Variants in ZNF496 observed in about 807,000 individuals in gnomAD.
ZNF496 encodes the protein NSD1 (nuclear receptor binding SET-domain containing 1)-interacting zinc finger protein 1.
ZNF496 carries 11 observed loss-of-function variants against 58.9 expected under a neutral mutation model. The ratio of observed to expected loss-of-function variants is 0.19; its 90% confidence interval spans 0.12 to 0.31. The LOEUF (loss-of-function observed/expected upper bound fraction) is 0.31. Ranked by LOEUF, ZNF496 falls within the 10% of genes least tolerant of loss-of-function variation. The pLI is 1.00. For synonymous variants in ZNF496, 338 were observed against 318.2 expected (o/e 1.06, Z -0.66); for missense variants, 660 against 783.0 (o/e 0.84, Z 1.88).
intron 9 of ZNF496, among the ~76,000 whole-genome samples, chr1:247,302,458 A>T (rs1293090629): frequency 7.6e-6 from 1 of 131,766 alleles, no homozygotes; most frequent in Non-Finnish European, 1.7e-5. Flanking sequence ...TCATCAGATG[A>T]AGACAGAGAT....
At chr1:247,326,682 C>T (rs1294444314) in intron 5 of ZNF496, among the ~76,000 whole-genome samples, 1 of 152,142 alleles carries the variant, frequency 6.6e-6, no homozygotes, top group East Asian at 1.9e-4. Flanking sequence ...TATGTTGAAG[C>T]CCTAACCCTT....
At position 247,310,254 on chromosome 1, in the gene ZNF496, T is replaced by C. The variant is rs1659558858; in HGVS notation, c.784+70A>G. On this transcript the variant is annotated intron_variant, in intron 7 of 9. Coordinates refer to ENST00000682384, the MANE Select transcript of ZNF496 (RefSeq NM_032752.3). Reference sequence around the variant, plus strand: ...CCTGATCCTATGGGACGAAGTTGACTCTTACTCCAAGTGAGAACTCCCCTG... The same window carrying C: ...CCTGATCCTATGGGACGAAGTTGACCCTTACTCCAAGTGAGAACTCCCCTG... 2.9e-5 allele frequency: 46 copies of C among 1,602,066 alleles called. No individual in the cohort carries two copies. In the South Asian group the frequency reaches 5.0e-4, roughly 17 times the overall value.
At chr1:247,323,769 A>G (rs1307695143) in intron 5 of ZNF496, among the ~76,000 whole-genome samples, 1 of 64,314 alleles carries the variant, frequency 1.6e-5, no homozygotes, top group African/African-American at 4.2e-5. Context: ...AAAGAAAAAG[A>G]AAAAAAAAAA....
chr1:247,327,252 T>C (rs1572095329), intron 5 of ZNF496, among the ~76,000 whole-genome samples: 1 of 152,298 alleles, frequency 6.6e-6, no homozygotes, highest in South Asian at 2.1e-4. Context: ...TTAGTAGCGA[T>C]GGGGTTTCAC....
At chr1:247,328,038 C>T (rs1439175120) in intron 5 of ZNF496, among the ~76,000 whole-genome samples, 2 of 152,194 alleles carry the variant, frequency 1.3e-5, no homozygotes, top group Admixed American at 1.3e-4. Flanking sequence ...CTCTGCTGGA[C>T]AGAGGAAGAA....
chr1:247,304,817 T>C (rs1263536890), intron 9 of ZNF496, among the ~76,000 whole-genome samples: 5 of 152,198 alleles, frequency 3.3e-5, no homozygotes, highest in Admixed American at 1.3e-4. Context: ...TCACAGTTCA[T>C]AGCTGGAGAG....
At position 247,330,568 on chromosome 1, in the gene ZNF496, C is replaced by T. The variant is rs116071514; in HGVS notation, c.-153-487G>A. On this transcript the variant is annotated intron_variant, in intron 2 of 9. Coordinates refer to ENST00000682384, the MANE Select transcript of ZNF496 (RefSeq NM_032752.3). ...CGCTGGTGTGCAGACAACTAGCCGA[C>T]ACTTTTGCCACAACTAGGGTGGCAA... is the stretch of plus-strand genomic sequence containing the variant. Among the ~76,000 whole-genome samples the T allele has an allele frequency of 3.9e-3, 601 of 152,348 alleles. 7 individuals carry two copies. Among genetic ancestry groups the T allele is most frequent in the African/African-American group, 0.014 (563 of 41,576 alleles).
At position 247,309,951 on chromosome 1, in the gene ZNF496, G is replaced by C. The variant is rs901592194; in HGVS notation, c.785-145C>G. Reference sequence around the variant, plus strand: ...AGAAGTGAAAAGGCCAGAGCTGGCAGTGCAGGGGCAGTGGGGGCAGCACAC... The same window carrying C: ...AGAAGTGAAAAGGCCAGAGCTGGCACTGCAGGGGCAGTGGGGGCAGCACAC... On this transcript the variant is annotated intron_variant, in intron 7 of 9. Transcript: ENST00000682384. The surrounding 1 kb of genome is among the most constrained non-coding windows in gnomAD (Gnocchi z 4.3). The C allele has an allele frequency of 1.6e-5, 21 of 1,318,596 alleles. No individual in the cohort carries two copies. The African/African-American group carries it at 2.2e-4, about 14-fold the overall frequency. The allele number at this position is 1,318,596 out of a possible 1,614,324, so 81.7% of individuals were successfully genotyped here.
intron 6 of ZNF496, among the ~76,000 whole-genome samples, chr1:247,321,393 G>A (rs920398380): frequency 2.0e-5 from 3 of 152,114 alleles, no homozygotes; most frequent in Admixed American, 6.5e-5. Context: ...ATTATTTAAC[G>A]TATAGAGAAT....
intron 6 of ZNF496, among the ~76,000 whole-genome samples, chr1:247,316,202 TGC>T (rs1329727940): frequency 2.2e-4 from 6 of 26,852 alleles, no homozygotes; most frequent in African/African-American, 4.7e-4. Flanking sequence ...TGTGTGTGTG[TGC>T]GCGCGCGTGC....
chr1:247,308,011 G>A lies in ZNF496; in HGVS notation c.1006+464C>T. 1 of 985,336 alleles carries A rather than the reference G, an allele frequency of 1.0e-6. No individual in the cohort carries two copies. Among genetic ancestry groups the A allele is most frequent in the Non-Finnish European group, 1.2e-6 (1 of 829,900 alleles). 61.0% of individuals were successfully genotyped at this position (985,336 alleles called of 1,614,324 possible). ...TCCCAGTTCCAAGATTCTGTGCCAG[G>A]ATGCTGGCCATCCATGCTGAGAGAA... is the stretch of plus-strand genomic sequence containing the variant. On this transcript the variant is annotated intron_variant, in intron 9 of 9. Coordinates refer to ENST00000682384, the MANE Select transcript of ZNF496 (RefSeq NM_032752.3). The surrounding 1 kb of genome is among the most constrained non-coding windows in gnomAD (Gnocchi z 4.5).
At chr1:247,304,999 G>C (rs1659365801) in intron 9 of ZNF496, among the ~76,000 whole-genome samples, 1 of 152,150 alleles carries the variant, frequency 6.6e-6, no homozygotes, top group Non-Finnish European at 1.5e-5. Context: ...GAATTTTGAA[G>C]GTCCTGAGGG....
At chr1:247,314,546 AT>A (rs1412637529) in intron 6 of ZNF496, among the ~76,000 whole-genome samples, 1 of 152,048 alleles carries the variant, frequency 6.6e-6, no homozygotes, top group African/African-American at 2.4e-5. Flanking sequence ...ACAAAATAAA[AT>A]TTTTGTGGAA....
intron 6 of ZNF496, among the ~76,000 whole-genome samples, chr1:247,317,912 G>A (rs75816915): frequency 0.01 from 1,542 of 152,332 alleles, 25 homozygotes; most frequent in South Asian, 0.056. Context: ...TGACAGATAC[G>A]TTAGAACTAT....
chr1:247,299,547 A>G lies in ZNF496; in HGVS notation c.*972T>C, dbSNP rs1434140882. On this transcript the variant is annotated 3_prime_UTR_variant, in exon 10 of 10. Transcript: ENST00000682384. ...ACCAGCACTCCAAGCTAATGTATCT[A>G]TCAAGTGTGTTGTCAGGCAAGGTTC... 1 of 152,262 alleles carries G rather than the reference A, an allele frequency of 6.6e-6. No homozygotes were observed. Among genetic ancestry groups the G allele is most frequent in the African/African-American group, 2.4e-5 (1 of 41,456 alleles). The allele number at this position is 152,262 out of a possible 1,614,324, so 9.4% of individuals were successfully genotyped here.
intron 2 of ZNF496, among the ~76,000 whole-genome samples, chr1:247,330,410 A>G (rs1253279135): frequency 6.6e-6 from 1 of 152,188 alleles, no homozygotes; most frequent in Non-Finnish European, 1.5e-5. Flanking sequence ...AGGCAACTGC[A>G]CACTCGCCAA....
chr1:247,302,294 C>A (rs973710788), intron 9 of ZNF496, among the ~76,000 whole-genome samples: 1 of 151,808 alleles, frequency 6.6e-6, no homozygotes, highest in African/African-American at 2.4e-5. Flanking sequence ...AGAAGCAGGG[C>A]AGGAAGACAC....
At chr1:247,321,733 G>C (rs1199683710) in intron 6 of ZNF496, among the ~76,000 whole-genome samples, 1 of 152,166 alleles carries the variant, frequency 6.6e-6, no homozygotes, top group African/African-American at 2.4e-5. Flanking sequence ...ACCTCATTAG[G>C]TACTGGATTA....
intron 6 of ZNF496, among the ~76,000 whole-genome samples, chr1:247,321,392 C>T (rs1659959160): frequency 6.6e-6 from 1 of 152,084 alleles, no homozygotes; most frequent in Admixed American, 6.6e-5. Context: ...TATTATTTAA[C>T]GTATAGAGAA....
Sources: allele counts gnomAD v4.1 joint callset (sites outside exome capture counted in the v4.1 genomes callset), GRCh38; gene constraint gnomAD v4.1.1; non-coding constraint Gnocchi (gnomAD v3.1); transcripts MANE v1.5; gene names NCBI Gene and HGNC (gene_info 2026-07-23, HGNC 2026-07-21).